PGBD2: variants seen among roughly 807,000 people sequenced by gnomAD.
The protein encoded by PGBD2 is piggyBac transposable element derived 2.
PGBD2 carries 6 observed loss-of-function variants against 8.1 expected under a neutral mutation model. The observed-to-expected ratio is 0.74, with a 90% CI of 0.40 to 1.46. PGBD2 has a LOEUF of 1.46. Among genes scored for constraint, PGBD2 ranks in the 40% most tolerant of loss-of-function variants. The pLI, the probability that PGBD2 is intolerant of heterozygous loss-of-function variation, is 0.02. For synonymous variants in PGBD2, 318 were observed against 272.2 expected, an observed-to-expected ratio of 1.17 and a Z score of -1.66; for missense variants, 802 against 739.0, an observed-to-expected ratio of 1.09 and a Z score of -0.99.
Position 248,918,461 on chromosome 1 carries a change from A to G in PGBD2, c.*98A>G. 8.2e-7 allele frequency: 1 copy of G among 1,221,186 alleles called. No homozygotes were observed. Among genetic ancestry groups the G allele is most frequent in the Non-Finnish European group, 1.1e-6 (1 of 892,428 alleles). 75.6% of individuals were successfully genotyped at this position (1,221,186 alleles called of 1,614,324 possible). A position where few individuals can be genotyped will look rare whatever the true frequency, so the allele number is the denominator to read the frequency against. On this transcript the variant is annotated 3_prime_UTR_variant, in exon 3 of 3. Transcript: ENST00000329291. ...TGTTTTGTGTTGGAAAAAAGACCTG[A>G]ATTTCTAATGACTTGATTTTCTATT... is the stretch of plus-strand genomic sequence containing the variant.
intron 2 of PGBD2, among the ~76,000 whole-genome samples, chr1:248,915,797 A>T (rs1170989877): frequency 6.6e-6 from 1 of 152,208 alleles, no homozygotes; most frequent in Non-Finnish European, 1.5e-5. Context: ...GAATTTGGGT[A>T]GTGAGAGTTC....
chr1:248,916,771 G>C lies in PGBD2; in HGVS notation c.187G>C (p.Asp63His). ...EFTDEDSGDE[D>H]SQRGAHLPGS... ...CACTGATGAGGACTCAGGGGATGAA[G>C]ACAGCCAGCGAGGTGCTCACCTACC... Residue 63 changes from aspartate to histidine, a missense_variant, in exon 3 of 3, where the codon GAC becomes CAC. By Grantham distance (81) the Asp-to-His change is moderately conservative. Transcript: ENST00000329291. 1 of 1,614,174 alleles carries C rather than the reference G, an allele frequency of 6.2e-7. No individual in the cohort carries two copies. The highest frequency in any genetic ancestry group is 8.5e-7 in the Non-Finnish European group (1 of 1,180,020).
the PGBD2 span, among the ~76,000 whole-genome samples, chr1:248,925,597 C>G: frequency 3.9e-5 from 5 of 127,210 alleles, no homozygotes; most frequent in Non-Finnish European, 6.5e-5. Context: ...TGGCGAGATT[C>G]GTGAATTATT....
chr1:248,915,144 C>T (rs1396529885), intron 2 of PGBD2, among the ~76,000 whole-genome samples: 1 of 152,226 alleles, frequency 6.6e-6, no homozygotes, highest in African/African-American at 2.4e-5. Flanking sequence ...CACCATCCTG[C>T]ATAGCTACTT....
At chr1:248,886,779 T>A in the PGBD2 span, among the ~76,000 whole-genome samples, 4 of 152,176 alleles carry the variant, frequency 2.6e-5, no homozygotes, top group Non-Finnish European at 5.9e-5. Flanking sequence ...AATAAGCTCT[T>A]ATTAACTGGC....
the PGBD2 span, among the ~76,000 whole-genome samples, chr1:248,878,353 A>AT: frequency 6.6e-6 from 1 of 151,638 alleles, no homozygotes; most frequent in African/African-American, 2.4e-5. Flanking sequence ...TAGTTTTTGT[A>AT]TTTTTTGTAG....
the PGBD2 span, among the ~76,000 whole-genome samples, chr1:248,874,281 C>CT: frequency 1.3e-5 from 2 of 152,152 alleles, no homozygotes; most frequent in African/African-American, 2.4e-5. Flanking sequence ...ATTCGGCGCT[C>CT]TCACCGCCGC....
intron 1 of PGBD2, among the ~76,000 whole-genome samples, chr1:248,906,903 T>C (rs111323373): frequency 0.031 from 4,756 of 152,226 alleles, 187 homozygotes; most frequent in African/African-American, 0.092. Flanking sequence ...AAAGCCATTC[T>C]GAGCTGTTGG....
chr1:248,912,444 T>C (rs554360862), intron 1 of PGBD2, among the ~76,000 whole-genome samples: 1 of 152,284 alleles, frequency 6.6e-6, no homozygotes, highest in African/African-American at 2.4e-5. Flanking sequence ...TCCTCAATGG[T>C]TAAATGGGGG....
the PGBD2 span, among the ~76,000 whole-genome samples, chr1:248,877,363 C>T: frequency 5.3e-5 from 8 of 152,160 alleles, no homozygotes; most frequent in Non-Finnish European, 1.2e-4. Flanking sequence ...CCAAGCTTGC[C>T]GTGGCTCACT....
intron 1 of PGBD2, among the ~76,000 whole-genome samples, chr1:248,910,228 G>T (rs1468382192): frequency 6.6e-6 from 1 of 152,222 alleles, no homozygotes; most frequent in African/African-American, 2.4e-5. Flanking sequence ...TATAGTAACA[G>T]AATTAGACAT....
the PGBD2 span, among the ~76,000 whole-genome samples, chr1:248,875,038 C>T: frequency 6.6e-6 from 1 of 152,084 alleles, no homozygotes; most frequent in Non-Finnish European, 1.5e-5. Flanking sequence ...TGGCTGACGC[C>T]TGTAATCCCA....
At chr1:248,926,135 G>T in the PGBD2 span, among the ~76,000 whole-genome samples, 1 of 151,930 alleles carries the variant, frequency 6.6e-6, no homozygotes, top group East Asian at 1.9e-4. Context: ...GCTGAAAAAA[G>T]GTGGTGATGC....
At chr1:248,911,508 T>C (rs1231647873) in intron 1 of PGBD2, among the ~76,000 whole-genome samples, 1 of 145,984 alleles carries the variant, frequency 6.9e-6, no homozygotes, top group Non-Finnish European at 1.5e-5. Flanking sequence ...AAGTCTCCCA[T>C]GTCTACTTCT....
chr1:248,898,536 C>A, the PGBD2 span, among the ~76,000 whole-genome samples: 1 of 152,168 alleles, frequency 6.6e-6, no homozygotes, highest in Non-Finnish European at 1.5e-5. Flanking sequence ...AGAAATAAGA[C>A]CCTTTTCAGA....
chr1:248,923,410 G>A (rs536247509), downstream of PGBD2, among the ~76,000 whole-genome samples: 1 of 152,106 alleles, frequency 6.6e-6, no homozygotes, highest in African/African-American at 2.4e-5. Flanking sequence ...ACCAGCTCCT[G>A]GATTCATTGA....
At chr1:248,925,673 C>T in the PGBD2 span, among the ~76,000 whole-genome samples, 992 of 150,918 alleles carry the variant, frequency 6.6e-3, 17 homozygotes, top group African/African-American at 0.021. Context: ...GGCTGCTAAT[C>T]CCCACATCTG....
At chr1:248,876,690 T>C in the PGBD2 span, among the ~76,000 whole-genome samples, 1 of 152,206 alleles carries the variant, frequency 6.6e-6, no homozygotes, top group African/African-American at 2.4e-5. Flanking sequence ...GGGTCTGTTT[T>C]TGTGACTTTA....
chr1:248,879,102 A>G, the PGBD2 span, among the ~76,000 whole-genome samples: 1 of 152,202 alleles, frequency 6.6e-6, no homozygotes, highest in Non-Finnish European at 1.5e-5. Context: ...GTGTGTGCCT[A>G]AATGTCCTTT....
Sources: gnomAD v4.1 joint callset for allele counts (sites outside exome capture counted in the v4.1 genomes callset) on GRCh38, gnomAD v4.1.1 for gene constraint, MANE v1.5 for transcripts, NCBI Gene and HGNC (gene_info 2026-07-23, HGNC 2026-07-21) for gene names.